Variants in ANKRD12 observed in about 807,000 individuals in gnomAD.
ANKRD12 encodes ankyrin repeat domain-containing protein 12.
In ANKRD12, 85 loss-of-function variants were observed where a neutral mutation model predicts 183.4. The ratio of observed to expected loss-of-function variants is 0.46; its 90% CI spans 0.39 to 0.56. ANKRD12 has a LOEUF of 0.56. ANKRD12 is among the 20% of genes least tolerant of loss of function. The pLI, the probability that ANKRD12 is intolerant of heterozygous loss-of-function variation, is 0.00. For synonymous variants in ANKRD12, 914 were observed against 800.2 expected, an observed-to-expected ratio of 1.14 and a Z score of -2.40; for missense variants, 2,405 against 2,357.1, an observed-to-expected ratio of 1.02 and a Z score of -0.42.
Position 9,256,541 on chromosome 18 carries a change from G to C in ANKRD12, c.3274G>C (p.Glu1092Gln). The C allele has an allele frequency of 6.2e-7, 1 of 1,600,082 alleles. No homozygotes were observed. Among genetic ancestry groups the C allele is most frequent in the South Asian group, 1.1e-5 (1 of 87,008 alleles). Reference protein sequence around the residue: ...RMLSLKDLEIEQWHKKHKEKI... With the variant: ...RMLSLKDLEIQQWHKKHKEKI... The stretch of plus-strand genomic sequence containing the variant: ...GCTAAGCCTTAAAGACCTAGAAATA[G>C]AACAGTGGCACAAAAAACATAAGGA... The change falls in exon 9 of 13, where the codon GAA (glutamate) becomes CAA (glutamine). Residue 1092 changes from glutamate to glutamine, a missense_variant. By Grantham distance (29) the Glu-to-Gln change is conservative. Transcript: ENST00000262126.
intron 8 of ANKRD12, among the ~76,000 whole-genome samples, chr18:9,244,671 G>T (rs2037854297): frequency 6.6e-6 from 1 of 152,088 alleles, no homozygotes; most frequent in Non-Finnish European, 1.5e-5. Flanking sequence ...GGCATTTTGT[G>T]CTGATGAACA....
intron 1 of ANKRD12, among the ~76,000 whole-genome samples, chr18:9,154,267 C>T (rs1280869308): frequency 3.9e-5 from 6 of 152,028 alleles, no homozygotes; most frequent in Admixed American, 1.3e-4. Flanking sequence ...ACAAAAAATA[C>T]AAAAATTAGA....
At chr18:9,276,847 C>G (rs1212751901) in intron 11 of ANKRD12, among the ~76,000 whole-genome samples, 1 of 152,114 alleles carries the variant, frequency 6.6e-6, no homozygotes, top group Non-Finnish European at 1.5e-5. Flanking sequence ...GAAATAGGCA[C>G]TGGAGAGGCC....
intron 3 of ANKRD12, among the ~76,000 whole-genome samples, chr18:9,197,446 G>A (rs998177131): frequency 2.0e-5 from 3 of 152,184 alleles, no homozygotes; most frequent in Admixed American, 6.5e-5. Context: ...GACTAGGGGC[G>A]CCAACCCCCT....
In ANKRD12 at chr18:9,273,033, A is replaced by G. The variant is rs534066257; in HGVS notation, c.5764-2491A>G. On this transcript the variant is annotated intron_variant, in intron 10 of 12. Coordinates refer to ENST00000262126, the MANE Select transcript of ANKRD12 (RefSeq NM_015208.5). ...ATTCTCACAGCCCAGTCTTCCATAC[A>G]GGGCCAATAAAATGATGTATGTTAT... Among the ~76,000 whole-genome samples, 4 of 152,304 alleles carry G rather than the reference A, an allele frequency of 2.6e-5. No homozygotes were observed. In the South Asian group the frequency reaches 8.3e-4, roughly 32 times the overall value.
At position 9,282,663 on chromosome 18, in the gene ANKRD12, T is replaced by C. The variant is rs2040143784; in HGVS notation, c.*1537T>C. Reference sequence around the variant, plus strand: ...TTTCTTGAATTATAATACTGAATGTTTTCTGTTCCGATAGAGAAAAGTGAA... The same window carrying C: ...TTTCTTGAATTATAATACTGAATGTCTTCTGTTCCGATAGAGAAAAGTGAA... On this transcript the variant is annotated 3_prime_UTR_variant, in exon 13 of 13. Coordinates refer to ENST00000262126, the MANE Select transcript of ANKRD12 (RefSeq NM_015208.5). 6.6e-6 allele frequency: 1 copy of C among 152,570 alleles called. No homozygotes were observed. Among genetic ancestry groups the C allele is most frequent in the African/African-American group, 2.4e-5 (1 of 41,428 alleles). 9.5% of individuals were successfully genotyped at this position (152,570 alleles called of 1,614,324 possible). A position where few individuals can be genotyped will look rare whatever the true frequency, so the allele number is the denominator to read the frequency against.
chr18:9,255,627 C>A lies in ANKRD12; in HGVS notation c.2360C>A (p.Ser787Tyr). The change falls in exon 9 of 13, where the codon TCT becomes TAT. Residue 787 changes from serine to tyrosine, a missense_variant. Physicochemically the swap from Ser to Tyr is moderately radical, Grantham distance 144. Around this residue, in one of 7 missense-constraint regions of ANKRD12, gnomAD observed 1,983 missense variants for 1,725.9 expected, o/e 1.15. Transcript: ENST00000262126. The part of the protein sequence containing the change: ...IPTDKDSEFT[S>Y]LGMSAIEESI... ...ACAGATAAAGACTCAGAATTTACTT[C>A]TTTGGGTATGAGTGCCATTGAGGAA... 2 of 1,571,258 alleles carry A rather than the reference C, an allele frequency of 1.3e-6. No individual in the cohort carries two copies. The highest frequency in any genetic ancestry group is 1.4e-5 in the African/African-American group (1 of 72,186).
At chr18:9,262,168 GTGATTTTTGTCAAGAAC>G (rs1238460851) in intron 9 of ANKRD12, among the ~76,000 whole-genome samples, 2 of 152,160 alleles carry the variant, frequency 1.3e-5, no homozygotes, top group Non-Finnish European at 2.9e-5. Context: ...AGAGCCAGGT[GTGATTTTTGTCAAGAAC>G]TTTTCATATA....
intron 8 of ANKRD12, among the ~76,000 whole-genome samples, chr18:9,232,556 C>T (rs1347523414): frequency 3.9e-5 from 6 of 152,144 alleles, no homozygotes; most frequent in Non-Finnish European, 7.3e-5. Context: ...AGAATTTTCT[C>T]TCTGTTATTG....
intron 3 of ANKRD12, among the ~76,000 whole-genome samples, chr18:9,196,217 C>G (rs991396643): frequency 1.6e-5 from 2 of 126,474 alleles, no homozygotes; most frequent in African/African-American, 2.7e-5. Context: ...CACACACACA[C>G]ACACACTGAG....
intron 11 of ANKRD12, among the ~76,000 whole-genome samples, chr18:9,276,743 C>T (rs1236240655): frequency 6.6e-6 from 1 of 151,928 alleles, no homozygotes; most frequent in Non-Finnish European, 1.5e-5. Flanking sequence ...CTTTAAGTCT[C>T]CAACTTTTAT....
intron 9 of ANKRD12, chr18:9,259,428 CATAGACACATTTATGTGTTTACA>C (rs2038837013): frequency 6.7e-6 from 1 of 150,238 alleles, no homozygotes; most frequent in South Asian, 2.1e-4. Context: ...ATGTGTTTAA[CATAGACACATTTATGTGTTTACA>C]ATACATATGC....
chr18:9,234,161 C>G (rs747544082), intron 8 of ANKRD12, among the ~76,000 whole-genome samples: 2 of 152,176 alleles, frequency 1.3e-5, no homozygotes, highest in Non-Finnish European at 2.9e-5. Flanking sequence ...GCACAAAGGC[C>G]ATGCCACCAG....
chr18:9,248,329 C>T (rs1259950361), intron 8 of ANKRD12, among the ~76,000 whole-genome samples: 3 of 152,212 alleles, frequency 2.0e-5, no homozygotes, highest in Non-Finnish European at 4.4e-5. Context: ...CATAAACTTG[C>T]TGTACAATTA....
intron 1 of ANKRD12, among the ~76,000 whole-genome samples, chr18:9,153,249 G>C (rs1259833930): frequency 6.6e-6 from 1 of 152,154 alleles, no homozygotes; most frequent in Non-Finnish European, 1.5e-5. Context: ...TAACCCTCAG[G>C]TATAGCTGAT....
In ANKRD12 at chr18:9,257,851, T is replaced by A. The variant is rs758806867; in HGVS notation, c.4584T>A (p.Val1528=). Residue 1528 remains valine, a synonymous_variant, in exon 9 of 13, where the codon GTT becomes GTA. Coordinates refer to ENST00000262126, the MANE Select transcript of ANKRD12 (RefSeq NM_015208.5). The part of the protein sequence containing the change: ...EPGILQQKNA[V]QIISSALDTD... ...GTATTTTACAACAAAAAAATGCAGTTCAGATTATTAGTTCTGCTTTAGATA... is the reference window on the plus strand; with the variant it reads ...GTATTTTACAACAAAAAAATGCAGTACAGATTATTAGTTCTGCTTTAGATA... 1 of 1,613,740 alleles carries A rather than the reference T, an allele frequency of 6.2e-7. No homozygotes were observed. The highest frequency in any genetic ancestry group is 1.1e-5 in the South Asian group (1 of 91,050).
chr18:9,277,477 G>C (rs894026398), intron 11 of ANKRD12, among the ~76,000 whole-genome samples: 6 of 151,448 alleles, frequency 4.0e-5, no homozygotes, highest in African/African-American at 1.5e-4. Context: ...ACAGGCGCCC[G>C]CCACCACACC....
At chr18:9,187,632 G>A (rs548270311) in intron 2 of ANKRD12, among the ~76,000 whole-genome samples, 2 of 152,222 alleles carry the variant, frequency 1.3e-5, no homozygotes, top group Admixed American at 6.5e-5. Context: ...AAATAGTTAG[G>A]ATTTTGACAA....
chr18:9,214,518 C>T (rs1303155065), intron 6 of ANKRD12, among the ~76,000 whole-genome samples: 3 of 152,090 alleles, frequency 2.0e-5, no homozygotes, highest in Non-Finnish European at 4.4e-5. Flanking sequence ...CAGTAAGTTG[C>T]ATGCCACAGT....
Sources: gnomAD v4.1 joint callset for allele counts (sites outside exome capture counted in the v4.1 genomes callset) on GRCh38, gnomAD v4.1.1 for gene constraint, gnomAD v4.1.1 regional missense constraint, MANE v1.5 for transcripts, NCBI Gene and HGNC (gene_info 2026-07-23, HGNC 2026-07-21) for gene names.